The following ANKRD36 variants were observed in gnomAD, a reference collection of about 807,000 sequenced individuals.
The protein encoded by ANKRD36 is ankyrin repeat domain-containing protein 36A.
In ANKRD36, 179 loss-of-function variants were observed where a neutral mutation model predicts 278.1. The ratio of observed to expected loss-of-function variants is 0.64; its 90% confidence interval spans 0.57 to 0.73. The LOEUF is 0.73. Among genes scored for constraint, ANKRD36 ranks in the 30% least tolerant of loss-of-function variants. The pLI is 0.00. For missense variants in ANKRD36, 1,159 were observed against 1,956.7 expected (o/e 0.59, Z 7.69); for synonymous variants, 320 against 641.1 (o/e 0.50, Z 7.57).
chr2:97,193,446 C>T (rs368561649), intron 38 of ANKRD36, among the ~76,000 whole-genome samples: 9,200 of 126,026 alleles, frequency 0.073, 1,084 homozygotes, highest in African/African-American at 0.23. Flanking sequence ...TGTAACAACC[C>T]GTAGACACTG....
intron 6 of ANKRD36, among the ~76,000 whole-genome samples, chr2:97,140,196 C>A (rs1346294489): frequency 6.6e-6 from 1 of 151,588 alleles, no homozygotes; most frequent in African/African-American, 2.4e-5. Flanking sequence ...AAAAATTACA[C>A]CATTCTTCAT....
intron 40 of ANKRD36, among the ~76,000 whole-genome samples, chr2:97,195,610 T>G (rs2059544225): frequency 6.6e-6 from 1 of 152,022 alleles, no homozygotes; most frequent in Admixed American, 6.6e-5. Context: ...CATATTTTGT[T>G]GATTTTAGTT....
At position 97,114,902 on chromosome 2, in the gene ANKRD36, C is replaced by A. The variant is rs189402767; in HGVS notation, c.197+966C>A. On this transcript the variant is annotated intron_variant, in intron 1 of 75. Transcript: ENST00000420699. ...CTCATGCTGTCTTTTACTATTGTGACGACATCAAGAAAACTTTTGAAATGG... is the reference window on the plus strand; with the variant it reads ...CTCATGCTGTCTTTTACTATTGTGAAGACATCAAGAAAACTTTTGAAATGG... Among the ~76,000 whole-genome samples the A allele has an allele frequency of 4.1e-3, 616 of 151,760 alleles. 5 individuals are homozygous for A. The highest frequency in any genetic ancestry group is 0.015 in the Admixed American group (223 of 15,228).
intron 58 of ANKRD36, among the ~76,000 whole-genome samples, chr2:97,212,080 T>C (rs1401394343): frequency 1.3e-5 from 2 of 151,842 alleles, no homozygotes; most frequent in African/African-American, 2.4e-5. Flanking sequence ...GTAATAGATA[T>C]TAGAGGCGTC....
At chr2:97,217,729 G>C (rs1420253802) in intron 64 of ANKRD36, among the ~76,000 whole-genome samples, 1 of 151,888 alleles carries the variant, frequency 6.6e-6, no homozygotes, top group African/African-American at 2.4e-5. Flanking sequence ...AATTATAGAT[G>C]TCAGATGGTA....
rs571932911 is a variant in ANKRD36, at chr2:97,132,251, C to T, written c.799+5117C>T. On this transcript the variant is annotated intron_variant, in intron 6 of 75. Transcript: ENST00000420699. ...TCTCAAGCAATCTTCCTGCCTCAGC[C>T]GTTGGAGTAGTTGGGACTACAGGTG... is the stretch of plus-strand genomic sequence containing the variant. Among the ~76,000 whole-genome samples, 1,028 of 151,640 alleles carry T rather than the reference C, an allele frequency of 6.8e-3. 16 individuals are homozygous for T. Among genetic ancestry groups the T allele is most frequent in the South Asian group, 0.028 (130 of 4,722 alleles).
At chr2:97,162,876 G>T (rs1180545086) in intron 18 of ANKRD36, among the ~76,000 whole-genome samples, 12 of 152,138 alleles carry the variant, frequency 7.9e-5, no homozygotes, top group African/African-American at 2.6e-4. Flanking sequence ...CTATGCTATA[G>T]CATATCAAAC....
chr2:97,202,366 A>T lies in ANKRD36; in HGVS notation c.2932A>T (p.Asn978Tyr). 2.6e-6 allele frequency: 4 copies of T among 1,558,562 alleles called. No homozygotes were observed. Among genetic ancestry groups the T allele is most frequent in the Non-Finnish European group, 3.5e-6 (4 of 1,154,658 alleles). Reference protein sequence around the residue: ...EDSVLGIARENKDGEKSRTVS... With the variant: ...EDSVLGIAREYKDGEKSRTVS... ...TTCTGTTTTGGGTATAGCCAGAGAAAACAAGGATGGAGAAAAATCTAGGAC... is the reference window on the plus strand; with the variant it reads ...TTCTGTTTTGGGTATAGCCAGAGAATACAAGGATGGAGAAAAATCTAGGAC... Residue 978 changes from asparagine (N) to tyrosine (Y), a missense_variant, in exon 48 of 76, where the codon AAC becomes TAC. By Grantham distance (143) the Asn-to-Tyr change is moderately radical (BLOSUM62 -2). Transcript: ENST00000420699.
At chr2:97,160,792 A>G (rs1359502434) in intron 17 of ANKRD36, among the ~76,000 whole-genome samples, 4 of 152,110 alleles carry the variant, frequency 2.6e-5, no homozygotes, top group Non-Finnish European at 5.9e-5. Context: ...TAGAATAAAC[A>G]TTCATACAAG....
chr2:97,263,302 C>T (rs904895120), intron 75 of ANKRD36, among the ~76,000 whole-genome samples: 2 of 123,418 alleles, frequency 1.6e-5, no homozygotes, highest in Non-Finnish European at 3.2e-5. Flanking sequence ...CCTCTTGCTC[C>T]ACATCCTTGC....
chr2:97,152,313 G>T lies in ANKRD36; in HGVS notation c.1163-191G>T, dbSNP rs374063409. Among the ~76,000 whole-genome samples, 3,074 of 44,092 alleles carry T rather than the reference G, an allele frequency of 0.07. 9 individuals carry two copies. The highest frequency in any genetic ancestry group is 0.088 in the Non-Finnish European group (1,673 of 18,932). The allele number at this position is 44,092 out of a possible 152,430, so 28.9% of individuals were successfully genotyped here. A position where few individuals can be genotyped will look rare whatever the true frequency, so the allele number is the denominator to read the frequency against. ...AGGCCTTGTTGATTATTATTATTAT[G>T]TTTATAAGGATAGAGTCTTGCTATG... On this transcript the variant is annotated intron_variant, in intron 13 of 75. Transcript: ENST00000420699.
intron 54 of ANKRD36, among the ~76,000 whole-genome samples, chr2:97,208,944 C>G (rs1257469291): frequency 6.8e-6 from 1 of 146,648 alleles, no homozygotes; most frequent in African/African-American, 2.6e-5. Context: ...ATGCTTGTAG[C>G]CATTTTACTT....
rs2046330359 is a variant in ANKRD36, at chr2:97,152,506, C to T, written c.1165C>T (p.Leu389Phe). ...IISPRSIKDV[L>F]PPVEEAVDRC... is the part of the protein sequence containing the mutation. Reference sequence around the variant, plus strand: ...GCATTTTACTTTTTCTTTAATAGTGCTTCCTCCTGTTGAAGAGGCTGTTGA... The same window carrying T: ...GCATTTTACTTTTTCTTTAATAGTGTTTCCTCCTGTTGAAGAGGCTGTTGA... The change falls in exon 14 of 76, where the codon CTT (leucine) becomes TTT (phenylalanine). Residue 389 changes from leucine to phenylalanine, a missense_variant and splice_region_variant. Leu to Phe is a conservative substitution (Grantham distance 22, BLOSUM62 0). Transcript: ENST00000420699. The T allele has an allele frequency of 2.7e-6, 4 of 1,467,060 alleles. No individual in the cohort carries two copies. The highest frequency in any genetic ancestry group is 1.4e-5 in the African/African-American group (1 of 72,610). 90.9% of individuals were successfully genotyped at this position (1,467,060 alleles called of 1,614,324 possible).
At chr2:97,222,073 A>G (rs542483384) in intron 66 of ANKRD36, among the ~76,000 whole-genome samples, 1,313 of 151,476 alleles carry the variant, frequency 8.7e-3, no homozygotes, top group African/African-American at 0.03. Flanking sequence ...AGGTTTGTCA[A>G]AGATCAGATA....
chr2:97,211,789 G>A, intron 58 of ANKRD36, 48 bp downstream of exon 58: 1 of 1,525,980 alleles, frequency 6.6e-7, no homozygotes. Flanking sequence ...GGGTAGAAGA[G>A]AACTTCTCTT....
intron 66 of ANKRD36, among the ~76,000 whole-genome samples, chr2:97,221,802 T>G (rs1357555084): frequency 6.8e-6 from 1 of 147,432 alleles, no homozygotes; most frequent in East Asian, 2.1e-4. Context: ...ATTTGTCAAT[T>G]TTGGCTTTTG....
At chr2:97,203,006 C>T (rs1975682) in intron 48 of ANKRD36, among the ~76,000 whole-genome samples, 2 of 151,656 alleles carry the variant, frequency 1.3e-5, no homozygotes, top group East Asian at 3.9e-4. Context: ...AAGAAGGAAG[C>T]AATCCTAGAA....
intron 22 of ANKRD36, among the ~76,000 whole-genome samples, chr2:97,177,296 A>G (rs1487527732): frequency 6.6e-6 from 1 of 151,878 alleles, no homozygotes; most frequent in African/African-American, 2.4e-5. Context: ...CAAGCTACCA[A>G]TGCCTTTCTT....
chr2:97,131,871 C>G (rs1476606633), intron 6 of ANKRD36, among the ~76,000 whole-genome samples: 1 of 151,918 alleles, frequency 6.6e-6, no homozygotes, highest in Non-Finnish European at 1.5e-5. Flanking sequence ...CTCTGTTGCC[C>G]AGGCTGGAGT....
Sources: gnomAD v4.1 joint callset for allele counts (sites outside exome capture counted in the v4.1 genomes callset) on GRCh38, gnomAD v4.1.1 for gene constraint, MANE v1.5 for transcripts, NCBI Gene and HGNC (gene_info 2026-07-23, HGNC 2026-07-21) for gene names.